CREB5: variants seen among roughly 807,000 people sequenced by gnomAD.
CREB5 encodes cAMP responsive element binding protein 5, also known as cyclic AMP-responsive element-binding protein 5.
Under a neutral mutation model 57.1 loss-of-function variants are expected in CREB5, and 19 were observed. The observed-to-expected ratio is 0.33, with a 90% CI of 0.23 to 0.49. The LOEUF is 0.49. Ranked by LOEUF, CREB5 falls within the 20% of genes least tolerant of loss-of-function variation. The pLI, the probability that CREB5 is intolerant of heterozygous loss-of-function variation, is 0.99. For missense variants in CREB5, 579 were observed against 671.6 expected, an observed-to-expected ratio of 0.86 and a Z score of 1.52; for synonymous variants, 238 against 238.3, an observed-to-expected ratio of 1.00 and a Z score of 0.01.
At chr7:28,468,027 C>G (rs1367817076) in intron 1 of CREB5, among the ~76,000 whole-genome samples, 1 of 152,124 alleles carries the variant, frequency 6.6e-6, no homozygotes, top group Admixed American at 6.5e-5. Context: ...AAGAGCAGAT[C>G]CAGAACACAG....
At chr7:28,560,855 T>TGCGCGCGTGCGTGCGC (rs1554344299) in intron 4 of CREB5, among the ~76,000 whole-genome samples, 1 of 56,388 alleles carries the variant, frequency 1.8e-5, no homozygotes, top group Non-Finnish European at 3.5e-5. Flanking sequence ...CGCGTGTGTG[T>TGCGCGCGTGCGTGCGC]GTGCGTGTGC....
chr7:28,531,661 T>C (rs1021427824), intron 4 of CREB5, among the ~76,000 whole-genome samples: 2 of 152,170 alleles, frequency 1.3e-5, no homozygotes, highest in Non-Finnish European at 1.5e-5. Flanking sequence ...CACCATCTCA[T>C]AGACTCATTA....
intron 5 of CREB5, among the ~76,000 whole-genome samples, chr7:28,656,235 C>G (rs1799328556): frequency 6.6e-6 from 1 of 152,072 alleles, no homozygotes; most frequent in South Asian, 2.1e-4. Flanking sequence ...TTTATCTTTT[C>G]AAAGTTATTT....
intron 7 of CREB5, chr7:28,749,463 G>A (rs962482893): frequency 4.6e-5 from 7 of 152,154 alleles, no homozygotes; most frequent in Non-Finnish European, 7.3e-5. Flanking sequence ...CGGTTGGAGC[G>A]TCTACTTGCT....
chr7:28,507,379 G>A (rs1313557448), intron 3 of CREB5, among the ~76,000 whole-genome samples: 1 of 152,168 alleles, frequency 6.6e-6, no homozygotes, highest in Non-Finnish European at 1.5e-5. Context: ...AAGTTGTCTG[G>A]AGGGAGTTCA....
At chr7:28,815,237 T>C (rs552909498) in intron 9 of CREB5, among the ~76,000 whole-genome samples, 1 of 152,300 alleles carries the variant, frequency 6.6e-6, no homozygotes, top group East Asian at 1.9e-4. Context: ...GGTGCCACTG[T>C]AGTCCAGCCT....
At chr7:28,313,536 A>G (rs1327637537) in intron 1 of CREB5, among the ~76,000 whole-genome samples, 1 of 152,212 alleles carries the variant, frequency 6.6e-6, no homozygotes, top group Non-Finnish European at 1.5e-5. Flanking sequence ...TCTAAGGAGG[A>G]AAGAATCTGA....
At chr7:28,510,099 G>A (rs1030097631) in intron 4 of CREB5, among the ~76,000 whole-genome samples, 1 of 152,084 alleles carries the variant, frequency 6.6e-6, no homozygotes, top group Non-Finnish European at 1.5e-5. Flanking sequence ...GAAGTCACAG[G>A]GCAGGGAAAT....
chr7:28,533,229 G>A (rs1793805911), intron 4 of CREB5, among the ~76,000 whole-genome samples: 1 of 152,108 alleles, frequency 6.6e-6, no homozygotes. Flanking sequence ...GAAAGAGCCA[G>A]CCTTTAAGGA....
At chr7:28,765,656 G>C (rs1338820356) in intron 7 of CREB5, among the ~76,000 whole-genome samples, 3 of 152,222 alleles carry the variant, frequency 2.0e-5, no homozygotes, top group Non-Finnish European at 4.4e-5. Context: ...ATATTTGGTA[G>C]AGATACGAAT....
intron 4 of CREB5, among the ~76,000 whole-genome samples, chr7:28,523,279 G>T (rs1331980231): frequency 1.3e-5 from 2 of 152,132 alleles, no homozygotes; most frequent in African/African-American, 4.8e-5. Context: ...TTGTTTAAAT[G>T]TTGGCTCTTA....
At chr7:28,317,970 T>C (rs1285713846) in intron 1 of CREB5, among the ~76,000 whole-genome samples, 1 of 152,220 alleles carries the variant, frequency 6.6e-6, no homozygotes, top group Admixed American at 6.5e-5. Context: ...TTAAAGCTCT[T>C]TAAGTCCTTT....
At chr7:28,586,322 C>T (rs1292494701) in intron 5 of CREB5, among the ~76,000 whole-genome samples, 1 of 152,146 alleles carries the variant, frequency 6.6e-6, no homozygotes, top group Non-Finnish European at 1.5e-5. Context: ...AGCGAGTTCC[C>T]CCAAAGAAGC....
At chr7:28,399,115 G>C (rs148634751) in intron 1 of CREB5, among the ~76,000 whole-genome samples, 222 of 152,226 alleles carry the variant, frequency 1.5e-3, no homozygotes, top group Non-Finnish European at 9.1e-4. Flanking sequence ...AATTGAAGGG[G>C]CCAGGTAAGA....
At chr7:28,440,802 G>A (rs904339552) in intron 1 of CREB5, among the ~76,000 whole-genome samples, 5 of 152,248 alleles carry the variant, frequency 3.3e-5, no homozygotes, top group South Asian at 2.1e-4. Flanking sequence ...ATCAGGTGGC[G>A]TGGAGTTCAG....
At chr7:28,314,358 T>C (rs1467285210) in intron 1 of CREB5, among the ~76,000 whole-genome samples, 1 of 152,240 alleles carries the variant, frequency 6.6e-6, no homozygotes, top group Non-Finnish European at 1.5e-5. Context: ...TACTTTTTCC[T>C]TGGAGATGGT....
chr7:28,379,745 G>C (rs1364669051), intron 1 of CREB5, among the ~76,000 whole-genome samples: 1 of 152,212 alleles, frequency 6.6e-6, no homozygotes, highest in Non-Finnish European at 1.5e-5. Flanking sequence ...CCAACATTGA[G>C]AATACTGATC....
Position 28,310,215 on chromosome 7 carries a change from G to A in CREB5, c.-25+10774G>A, listed in dbSNP as rs554794104. ...GGGAGTAGTGGGGGGTGAGGCTGCA[G>A]AGAATAGGGAGAGTTATTTCATGCA... On this transcript the variant is annotated intron_variant, in intron 1 of 9. Transcript: ENST00000396299. Among the ~76,000 whole-genome samples, 3 of 152,312 alleles carry A rather than the reference G, an allele frequency of 2.0e-5. No homozygotes were observed. The East Asian group carries it at 5.8e-4, about 29-fold the overall frequency.
intron 7 of CREB5, among the ~76,000 whole-genome samples, chr7:28,784,252 C>G (rs989668809): frequency 6.6e-6 from 1 of 152,228 alleles, no homozygotes; most frequent in African/African-American, 2.4e-5. Context: ...GCGAGAGAGA[C>G]AGCTTGACAC....
Sources: allele counts gnomAD v4.1 joint callset (sites outside exome capture counted in the v4.1 genomes callset), GRCh38; gene constraint gnomAD v4.1.1; transcripts MANE v1.5; gene names NCBI Gene and HGNC (gene_info 2026-07-23, HGNC 2026-07-21).